The following SLCO3A1 variants were observed in gnomAD, a reference collection of about 807,000 sequenced individuals.
SLCO3A1 encodes PGE1 transporter.
In SLCO3A1, 27 loss-of-function variants were observed where a neutral mutation model predicts 63.1. That is an observed-to-expected ratio of 0.43 (90% confidence interval 0.32 to 0.59). SLCO3A1 has a LOEUF of 0.59. Among genes scored for constraint, SLCO3A1 ranks in the 20% least tolerant of loss-of-function variants. The pLI, the probability that SLCO3A1 is intolerant of heterozygous loss-of-function variation, is 0.09. For synonymous variants in SLCO3A1, 473 were observed against 409.9 expected, an observed-to-expected ratio of 1.15 and a Z score of -1.86; for missense variants, 773 against 945.8, an observed-to-expected ratio of 0.82 and a Z score of 2.40.
chr15:92,071,677 G>A (rs538039459), intron 2 of SLCO3A1, among the ~76,000 whole-genome samples: 1 of 152,298 alleles, frequency 6.6e-6, no homozygotes, highest in South Asian at 2.1e-4. Context: ...AGAGTCTGGG[G>A]TGGGCCGTGG....
intron 2 of SLCO3A1, among the ~76,000 whole-genome samples, chr15:92,092,739 G>T (rs2047492081): frequency 6.6e-6 from 1 of 152,034 alleles, no homozygotes; most frequent in Non-Finnish European, 1.5e-5. Context: ...CCTAATTCTA[G>T]CCCATTCCGA....
chr15:91,927,761 GGTT>G (rs1899081547), intron 2 of SLCO3A1, among the ~76,000 whole-genome samples: 1 of 152,140 alleles, frequency 6.6e-6, no homozygotes, highest in South Asian at 2.1e-4. Flanking sequence ...CTGCCTTGTG[GGTT>G]GTTAATGGAG....
At chr15:91,903,546 C>T (rs933541752) in intron 1 of SLCO3A1, among the ~76,000 whole-genome samples, 1 of 152,184 alleles carries the variant, frequency 6.6e-6, no homozygotes, top group Non-Finnish European at 1.5e-5. Context: ...GGTGTGTACT[C>T]ACCAACCTCA....
chr15:92,011,568 T>G (rs2046369357), intron 2 of SLCO3A1, among the ~76,000 whole-genome samples: 1 of 152,226 alleles, frequency 6.6e-6, no homozygotes, highest in Non-Finnish European at 1.5e-5. Flanking sequence ...CTATGTAAAA[T>G]GCAAGAATCC....
intron 2 of SLCO3A1, among the ~76,000 whole-genome samples, chr15:91,956,094 T>C (rs2151416494): frequency 6.6e-6 from 1 of 152,120 alleles, no homozygotes; most frequent in African/African-American, 2.4e-5. Flanking sequence ...AGAAGACCCA[T>C]CCCCTGGGCG....
intron 2 of SLCO3A1, among the ~76,000 whole-genome samples, chr15:91,935,489 C>T (rs902184785): frequency 1.3e-5 from 2 of 152,076 alleles, no homozygotes; most frequent in African/African-American, 4.8e-5. Context: ...CAGCACTCAG[C>T]CCACCCCTTA....
rs1197250395 is a variant in SLCO3A1, at chr15:92,171,876, T to C, written c.*14T>C. On this transcript the variant is annotated 3_prime_UTR_variant, in exon 11 of 11. Transcript: ENST00000424469. ...GTGAGAAGCTGAGGGCCTGGCCCTC[T>C]TCCTCTTCCTGGAGAGAACAGCCCA... 7.8e-6 allele frequency: 12 copies of C among 1,540,724 alleles called. No individual in the cohort carries two copies. The East Asian group carries it at 2.4e-4, about 31-fold the overall frequency.
chr15:91,866,524 G>A (rs910707610), intron 1 of SLCO3A1, among the ~76,000 whole-genome samples: 1 of 151,322 alleles, frequency 6.6e-6, no homozygotes, highest in Non-Finnish European at 1.5e-5. Flanking sequence ...TTTTTTGGTG[G>A]GGGTAGGAGT....
intron 2 of SLCO3A1, among the ~76,000 whole-genome samples, chr15:92,041,344 C>A (rs1208809442): frequency 1.3e-5 from 2 of 152,146 alleles, no homozygotes; most frequent in African/African-American, 4.8e-5. Flanking sequence ...ACAGAAGATT[C>A]ATATTTCCCA....
At chr15:91,855,369 A>C (rs1031748016) in intron 1 of SLCO3A1, among the ~76,000 whole-genome samples, 5 of 152,156 alleles carry the variant, frequency 3.3e-5, no homozygotes, top group Non-Finnish European at 7.3e-5. Context: ...GTTGTGAGAG[A>C]GGGGGTCTTC....
intron 1 of SLCO3A1, among the ~76,000 whole-genome samples, chr15:91,877,414 T>C (rs1396972685): frequency 6.6e-6 from 1 of 152,230 alleles, no homozygotes; most frequent in Admixed American, 6.5e-5. Context: ...GGCACTCTTC[T>C]AGATACTGGG....
intron 2 of SLCO3A1, among the ~76,000 whole-genome samples, chr15:92,026,574 G>C (rs1034582759): frequency 2.0e-5 from 3 of 152,124 alleles, no homozygotes; most frequent in African/African-American, 7.2e-5. Flanking sequence ...GGTCCCTAAG[G>C]GTTCTATGAT....
intron 10 of SLCO3A1, chr15:92,171,735 C>A: frequency 7.4e-7 from 1 of 1,348,304 alleles, no homozygotes; most frequent in Non-Finnish European, 1.0e-6. Context: ...CAGAAAAGAC[C>A]GATCTCTTTT....
intron 1 of SLCO3A1, among the ~76,000 whole-genome samples, chr15:91,909,583 G>A (rs1348934490): frequency 1.3e-5 from 2 of 152,130 alleles, no homozygotes; most frequent in African/African-American, 2.4e-5. Context: ...CAGTTTGAGG[G>A]TATAGGTTCC....
At position 91,897,124 on chromosome 15, in the gene SLCO3A1, C is replaced by T. The variant is rs1898025170; in HGVS notation, c.181-18869C>T. Among the ~76,000 whole-genome samples, 1 of 152,114 alleles carries T rather than the reference C, an allele frequency of 6.6e-6. No individual in the cohort carries two copies. Among genetic ancestry groups the T allele is most frequent in the Non-Finnish European group, 1.5e-5 (1 of 68,028 alleles). On this transcript the variant is annotated intron_variant, in intron 1 of 9. Coordinates refer to ENST00000318445, the MANE Select transcript of SLCO3A1 (RefSeq NM_013272.4). The surrounding 1 kb of genome is among the most constrained non-coding windows in gnomAD (Gnocchi z 4.7). ...AAGTAACCGTAAGATAAGTTCCTAC[C>T]ACACTATTTGCCATTGTCTATACAA... is the stretch of plus-strand genomic sequence containing the variant.
At chr15:91,893,535 G>A (rs1458249944) in intron 1 of SLCO3A1, among the ~76,000 whole-genome samples, 1 of 152,060 alleles carries the variant, frequency 6.6e-6, no homozygotes, top group East Asian at 1.9e-4. Context: ...TGTTATAAGG[G>A]CACTAATCCC....
chr15:92,024,597 C>T (rs185884816), intron 2 of SLCO3A1, among the ~76,000 whole-genome samples: 1 of 152,288 alleles, frequency 6.6e-6, no homozygotes, highest in African/African-American at 2.4e-5. Flanking sequence ...GCCAGGTGCT[C>T]TCTCAGTCAT....
chr15:92,039,748 A>G (rs2046774026), intron 2 of SLCO3A1, among the ~76,000 whole-genome samples: 1 of 152,212 alleles, frequency 6.6e-6, no homozygotes, highest in Non-Finnish European at 1.5e-5. Flanking sequence ...TCATTCTACT[A>G]AGAAGACACA....
At chr15:91,928,810 T>G (rs1448891566) in intron 2 of SLCO3A1, among the ~76,000 whole-genome samples, 2 of 152,226 alleles carry the variant, frequency 1.3e-5, no homozygotes, top group Non-Finnish European at 2.9e-5. Flanking sequence ...AAAATCTCCT[T>G]GTAGTAAAGT....
Sources: gnomAD v4.1 joint callset for allele counts (sites outside exome capture counted in the v4.1 genomes callset) on GRCh38, gnomAD v4.1.1 for gene constraint, Gnocchi (gnomAD v3.1) non-coding constraint, MANE v1.5 for transcripts, NCBI Gene and HGNC (gene_info 2026-07-23, HGNC 2026-07-21) for gene names.